Variants in PARD3 observed in about 807,000 individuals in gnomAD.
PARD3 encodes the protein par-3 family cell polarity regulator, also known as partitioning defective 3 homolog.
In PARD3, 75 loss-of-function variants were observed where a neutral mutation model predicts 155.4. That is an observed-to-expected ratio of 0.48 (90% CI 0.40 to 0.58). The LOEUF (loss-of-function observed/expected upper bound fraction) is 0.58. Ranked by LOEUF, PARD3 falls within the 20% of genes least tolerant of loss-of-function variation. The pLI is 0.00. For synonymous variants in PARD3, 576 were observed against 610.5 expected, an observed-to-expected ratio of 0.94 and a Z score of 0.83; for missense variants, 1,642 against 1,721.7, an observed-to-expected ratio of 0.95 and a Z score of 0.82.
intron 1 of PARD3, among the ~76,000 whole-genome samples, chr10:34,735,382 A>G (rs1436596881): frequency 6.6e-6 from 1 of 152,198 alleles, no homozygotes; most frequent in Non-Finnish European, 1.5e-5. Context: ...ATATGACAAG[A>G]TATTATGGAA....
At chr10:34,556,488 T>TTCTC (rs1308101058) in intron 2 of PARD3, among the ~76,000 whole-genome samples, 2 of 151,868 alleles carry the variant, frequency 1.3e-5, no homozygotes, top group Non-Finnish European at 2.9e-5. Flanking sequence ...GTTCACGCCA[T>TTCTC]TCTCTCGCCT....
At chr10:34,627,571 GAGA>G (rs1285441024) in intron 2 of PARD3, among the ~76,000 whole-genome samples, 1 of 152,196 alleles carries the variant, frequency 6.6e-6, no homozygotes, top group African/African-American at 2.4e-5. Flanking sequence ...GACACACAGG[GAGA>G]AGGCCAGGTG....
chr10:34,213,928 T>G (rs1416319002), intron 22 of PARD3, among the ~76,000 whole-genome samples: 3 of 152,182 alleles, frequency 2.0e-5, no homozygotes, highest in Non-Finnish European at 4.4e-5. Flanking sequence ...CTTGCTCTGT[T>G]GCCCAGGCTA....
intron 4 of PARD3, among the ~76,000 whole-genome samples, chr10:34,466,019 C>A (rs999757861): frequency 1.3e-5 from 2 of 152,106 alleles, no homozygotes; most frequent in Non-Finnish European, 2.9e-5. Context: ...AAAATATTAA[C>A]CACATGTTAA....
intron 2 of PARD3, among the ~76,000 whole-genome samples, chr10:34,563,987 A>G (rs1022802268): frequency 4.6e-5 from 7 of 152,248 alleles, no homozygotes; most frequent in Non-Finnish European, 7.3e-5. Context: ...AATAAGATTA[A>G]TGGTACATCT....
chr10:34,789,106 A>T (rs903930689), intron 1 of PARD3, among the ~76,000 whole-genome samples: 34 of 152,250 alleles, frequency 2.2e-4, no homozygotes, highest in African/African-American at 8.0e-4. Flanking sequence ...TTGTATATCC[A>T]CATAATGAAG....
chr10:34,344,308 A>G lies in PARD3; in HGVS notation c.2219-2492T>C, dbSNP rs1206295321. On this transcript the variant is annotated intron_variant, in intron 15 of 24. Coordinates refer to ENST00000374788, the MANE Select transcript of PARD3 (RefSeq NM_001184785.2). The stretch of plus-strand genomic sequence containing the variant: ...TTTTTTTTTTTTTTTTTGGATATGG[A>G]GTCTCACTCTGTTGCCCAGGCTGGA... 50 of 917,170 alleles carry G rather than the reference A, an allele frequency of 5.5e-5. No individual in the cohort carries two copies. In the South Asian group the frequency reaches 2.1e-3, roughly 38 times the overall value. The allele number at this position is 917,170 out of a possible 1,614,324, so 56.8% of individuals were successfully genotyped here.
chr10:34,582,248 G>C (rs1197452401), intron 2 of PARD3, among the ~76,000 whole-genome samples: 19 of 151,928 alleles, frequency 1.3e-4, no homozygotes, highest in Admixed American at 1.2e-3. Flanking sequence ...GACCCTTAAA[G>C]AAATGATGAG....
At position 34,306,680 on chromosome 10, in the gene PARD3, T is replaced by C. The variant is rs1337008002; in HGVS notation, c.3065+10427A>G. The stretch of plus-strand genomic sequence containing the variant: ...AATAATAACAATAATTCAAATACCA[T>C]GACGTAGATCCATGGAGCATGAAAG... On this transcript the variant is annotated intron_variant, in intron 20 of 24. Transcript: ENST00000374788. Among the ~76,000 whole-genome samples the C allele has an allele frequency of 2.0e-5, 3 of 152,082 alleles. No individual in the cohort carries two copies. The East Asian group carries it at 5.8e-4, about 29-fold the overall frequency.
At chr10:34,355,810 A>ACCT (rs1289970785) in intron 14 of PARD3, among the ~76,000 whole-genome samples, 1 of 150,932 alleles carries the variant, frequency 6.6e-6, no homozygotes, top group Non-Finnish European at 1.5e-5. Context: ...CTGTAATCTC[A>ACCT]GCTACTCACG....
At chr10:34,243,151 A>C (rs1217381561) in intron 22 of PARD3, among the ~76,000 whole-genome samples, 2 of 152,178 alleles carry the variant, frequency 1.3e-5, no homozygotes, top group East Asian at 3.8e-4. Context: ...AAAATAATCT[A>C]TTTTACCACT....
At chr10:34,513,314 C>T (rs1408398761) in intron 3 of PARD3, among the ~76,000 whole-genome samples, 1 of 152,194 alleles carries the variant, frequency 6.6e-6, no homozygotes. Context: ...GAGTCTCATT[C>T]TGCCGCCCAG....
At chr10:34,648,095 G>C (rs999759054) in intron 2 of PARD3, among the ~76,000 whole-genome samples, 3 of 152,190 alleles carry the variant, frequency 2.0e-5, no homozygotes, top group African/African-American at 7.2e-5. Flanking sequence ...GGATCGCCAT[G>C]CGGCCTGCAC....
At chr10:34,609,808 G>A (rs756144638) in intron 2 of PARD3, among the ~76,000 whole-genome samples, 5 of 152,090 alleles carry the variant, frequency 3.3e-5, no homozygotes, top group African/African-American at 4.8e-5. Context: ...CCCAAAGTGC[G>A]CCCAGCCTCT....
chr10:34,754,610 G>T (rs566424727), intron 1 of PARD3, among the ~76,000 whole-genome samples: 1 of 152,188 alleles, frequency 6.6e-6, no homozygotes, highest in Non-Finnish European at 1.5e-5. Flanking sequence ...ATTGTTAAAA[G>T]CCACTAATTT....
intron 23 of PARD3, among the ~76,000 whole-genome samples, chr10:34,127,119 T>C (rs1000069609): frequency 3.9e-5 from 6 of 152,186 alleles, no homozygotes; most frequent in African/African-American, 1.2e-4. Flanking sequence ...ACTGTTCCCA[T>C]TCAAAGTTAA....
intron 3 of PARD3, among the ~76,000 whole-genome samples, chr10:34,511,132 T>C (rs1438841059): frequency 1.3e-5 from 2 of 152,248 alleles, no homozygotes; most frequent in African/African-American, 4.8e-5. Context: ...TCTTACACAG[T>C]TTCCCACCAT....
At chr10:34,122,617 G>A (rs1026795517) in intron 23 of PARD3, among the ~76,000 whole-genome samples, 1 of 152,034 alleles carries the variant, frequency 6.6e-6, no homozygotes, top group Non-Finnish European at 1.5e-5. Flanking sequence ...CAAAAGGGTG[G>A]GTTACTAAAC....
chr10:34,769,705 C>G lies in PARD3; in HGVS notation c.120+45171G>C, dbSNP rs182987048. 2.7e-5 allele frequency among the ~76,000 whole-genome samples: 4 copies of G among 150,448 alleles called. 1 individual carries two copies. Among genetic ancestry groups the G allele is most frequent in the African/African-American group, 9.8e-5 (4 of 40,746 alleles). The stretch of plus-strand genomic sequence containing the variant: ...CCCAGGAGGTCAAGGCTTCAGTGAC[C>G]GTGATCATGCCACTGCACACCAGCC... On this transcript the variant is annotated intron_variant, in intron 1 of 24. Transcript: ENST00000374788.
Sources: gnomAD v4.1 joint callset for allele counts (sites outside exome capture counted in the v4.1 genomes callset) on GRCh38, gnomAD v4.1.1 for gene constraint, MANE v1.5 for transcripts, NCBI Gene and HGNC (gene_info 2026-07-23, HGNC 2026-07-21) for gene names.